Variants in RIN3 observed in about 807,000 individuals in gnomAD.
RIN3 encodes RAB5 interacting protein 3.
In RIN3, 54 loss-of-function variants were observed where a neutral mutation model predicts 76.3. That is an observed-to-expected ratio of 0.71 (90% CI 0.57 to 0.89). RIN3 has a LOEUF of 0.89. Ranked by LOEUF, RIN3 falls within the 40% of genes least tolerant of loss-of-function variation. The probability of loss-of-function intolerance (pLI) is 0.00; values close to 1 mark genes in which losing one functional copy is unlikely to be tolerated. For synonymous variants in RIN3, 576 were observed against 564.0 expected, an observed-to-expected ratio of 1.02 and a Z score of -0.30; for missense variants, 1,256 against 1,322.1, an observed-to-expected ratio of 0.95 and a Z score of 0.78.
intron 4 of RIN3, among the ~76,000 whole-genome samples, chr14:92,617,277 G>T (rs2140105511): frequency 6.6e-6 from 1 of 151,880 alleles, no homozygotes; most frequent in African/African-American, 2.4e-5. Flanking sequence ...CCCAGCATGG[G>T]CAACAAGAGC....
intron 1 of RIN3, among the ~76,000 whole-genome samples, chr14:92,522,056 T>C (rs1228419453): frequency 6.6e-6 from 1 of 152,180 alleles, no homozygotes; most frequent in African/African-American, 2.4e-5. Flanking sequence ...AGATTCCATG[T>C]GTGATGGGCC....
intron 3 of RIN3, among the ~76,000 whole-genome samples, chr14:92,584,080 C>T (rs184251585): frequency 1.8e-4 from 28 of 152,172 alleles, no homozygotes; most frequent in Non-Finnish European, 3.1e-4. Flanking sequence ...TACAGGAGGA[C>T]GTGCATACGT....
intron 1 of RIN3, among the ~76,000 whole-genome samples, chr14:92,519,897 T>C (rs1439162277): frequency 1.3e-5 from 2 of 152,170 alleles, no homozygotes; most frequent in African/African-American, 4.8e-5. Context: ...ATCTGTGTGG[T>C]GTCAGCGTTT....
At chr14:92,549,489 A>G (rs10131588) in intron 1 of RIN3, among the ~76,000 whole-genome samples, 42,616 of 151,958 alleles carry the variant, frequency 0.28, 6,567 homozygotes, top group Middle Eastern at 0.4. Context: ...CATGCTCACC[A>G]CTCTGTCCCC....
At chr14:92,565,689 G>A (rs140286774) in intron 2 of RIN3, among the ~76,000 whole-genome samples, 102 of 152,322 alleles carry the variant, frequency 6.7e-4, no homozygotes, top group African/African-American at 2.3e-3. Context: ...GCTTACTAAT[G>A]CATTATAATT....
intron 3 of RIN3, among the ~76,000 whole-genome samples, chr14:92,606,699 A>G (rs1885537003): frequency 6.6e-6 from 1 of 152,200 alleles, no homozygotes; most frequent in Non-Finnish European, 1.5e-5. Context: ...TCAAAAAACC[A>G]CCATGAGATA....
intron 3 of RIN3, among the ~76,000 whole-genome samples, chr14:92,608,160 G>A (rs931709246): frequency 5.3e-5 from 8 of 152,260 alleles, no homozygotes; most frequent in African/African-American, 1.9e-4. Flanking sequence ...ACACACAAAT[G>A]AGTGCATATA....
intron 1 of RIN3, among the ~76,000 whole-genome samples, chr14:92,520,899 G>A (rs1464411906): frequency 6.6e-6 from 1 of 151,954 alleles, no homozygotes; most frequent in African/African-American, 2.4e-5. Context: ...CTCTAGGGAT[G>A]TTGCAGTTCA....
intron 5 of RIN3, chr14:92,645,338 A>G (rs1440337498): frequency 6.6e-6 from 1 of 152,258 alleles, no homozygotes; most frequent in African/African-American, 2.4e-5. Flanking sequence ...GCCCACACAT[A>G]CATTATCTCA....
At chr14:92,567,832 C>A (rs997820832) in intron 2 of RIN3, among the ~76,000 whole-genome samples, 2 of 152,068 alleles carry the variant, frequency 1.3e-5, no homozygotes, top group Admixed American at 1.3e-4. Flanking sequence ...TAATAGTTGT[C>A]ATTTATTTGT....
chr14:92,566,471 A>C (rs573516437), intron 2 of RIN3, among the ~76,000 whole-genome samples: 2 of 152,276 alleles, frequency 1.3e-5, no homozygotes, highest in Non-Finnish European at 1.5e-5. Context: ...GATGTGATGA[A>C]GGCTAGGAAA....
chr14:92,611,692 T>A (rs1176486025), intron 3 of RIN3, among the ~76,000 whole-genome samples: 4 of 152,238 alleles, frequency 2.6e-5, no homozygotes, highest in Admixed American at 2.6e-4. Flanking sequence ...GATTCACACG[T>A]ATTCACATGT....
chr14:92,549,922 G>A lies in RIN3; in HGVS notation c.45-5829G>A, dbSNP rs180939683. 5.5e-4 allele frequency among the ~76,000 whole-genome samples: 84 copies of A among 152,322 alleles called. 1 individual carries two copies. The East Asian group carries it at 0.015, about 27-fold the overall frequency. ...TCTAACAACACCTTTCATTATCCAA[G>A]GTCCCCGGTTCTGCCTTTGCAGGGT... is the stretch of plus-strand genomic sequence containing the variant. On this transcript the variant is annotated intron_variant, in intron 1 of 9. Coordinates refer to ENST00000216487, the MANE Select transcript of RIN3 (RefSeq NM_024832.5).
At chr14:92,609,329 CCTTT>C (rs1885638101) in intron 3 of RIN3, among the ~76,000 whole-genome samples, 1 of 152,170 alleles carries the variant, frequency 6.6e-6, no homozygotes, top group Non-Finnish European at 1.5e-5. Flanking sequence ...TGAAAGGCTT[CCTTT>C]CTTCTGAGCC....
At chr14:92,585,882 C>T (rs969007547) in intron 3 of RIN3, among the ~76,000 whole-genome samples, 5 of 152,152 alleles carry the variant, frequency 3.3e-5, no homozygotes, top group Non-Finnish European at 7.3e-5. Flanking sequence ...GGATTGGTGT[C>T]GAGAAGGCAG....
chr14:92,679,063 CAG>C (rs1888575934), intron 8 of RIN3, among the ~76,000 whole-genome samples: 1 of 152,068 alleles, frequency 6.6e-6, no homozygotes, highest in Admixed American at 6.5e-5. Flanking sequence ...GGGTGAGAAA[CAG>C]AGAAGTTCTC....
rs538243966 is a variant in RIN3 at position 92,667,810 on chromosome 14, G to T, written c.2335+8341G>T. 3.9e-5 allele frequency among the ~76,000 whole-genome samples: 6 copies of T among 152,242 alleles called. No individual in the cohort carries two copies. In the South Asian group the frequency reaches 1.0e-3, roughly 26 times the overall value. Reference sequence around the variant, plus strand: ...GGCCATGCTCCATATGGTCATTCAGGGATCCATGCATAGGAAGACTTCCTA... The same window carrying T: ...GGCCATGCTCCATATGGTCATTCAGTGATCCATGCATAGGAAGACTTCCTA... On this transcript the variant is annotated intron_variant, in intron 7 of 9. Transcript: ENST00000216487.
chr14:92,574,209 G>A lies in RIN3; in HGVS notation c.250-3151G>A, dbSNP rs940167080. 4.6e-5 allele frequency among the ~76,000 whole-genome samples: 7 copies of A among 152,202 alleles called. No individual in the cohort carries two copies. In the East Asian group the frequency reaches 9.6e-4, roughly 21 times the overall value. On this transcript the variant is annotated intron_variant, in intron 2 of 9. Coordinates refer to ENST00000216487, the MANE Select transcript of RIN3 (RefSeq NM_024832.5). ...GAGAGGGGGTCCTGAACAGGTCTTC[G>A]GTCCATGGTGAAGTGCAGGAGGTTT...
In RIN3 at chr14:92,543,288, A is replaced by T. The variant is rs537730440; in HGVS notation, c.45-12463A>T. 1.6e-4 allele frequency among the ~76,000 whole-genome samples: 25 copies of T among 152,266 alleles called. No homozygotes were observed. In the South Asian group the frequency reaches 4.6e-3, roughly 28 times the overall value. ...TGGGGGGAGTAGTCCTCATGGCCCT[A>T]TAAAATGTAGAAAAAGCAACAAGAG... On this transcript the variant is annotated intron_variant, in intron 1 of 9. Transcript: ENST00000216487.
Sources: gnomAD v4.1 joint callset for allele counts (sites outside exome capture counted in the v4.1 genomes callset) on GRCh38, gnomAD v4.1.1 for gene constraint, MANE v1.5 for transcripts, NCBI Gene and HGNC (gene_info 2026-07-23, HGNC 2026-07-21) for gene names.